GAS7: variants seen among roughly 807,000 people sequenced by gnomAD.
GAS7 encodes growth arrest specific 7, also known as growth arrest-specific protein 7.
GAS7 carries 28 observed loss-of-function variants against 71.1 expected under a neutral mutation model. That is an observed-to-expected ratio of 0.39 (90% CI 0.29 to 0.54). GAS7 has a LOEUF of 0.54. Among genes scored for constraint, GAS7 ranks in the 20% least tolerant of loss-of-function variants. GAS7 has a pLI of 0.62. For synonymous variants in GAS7, 258 were observed against 245.8 expected, an observed-to-expected ratio of 1.05 and a Z score of -0.46; for missense variants, 436 against 627.8, an observed-to-expected ratio of 0.69 and a Z score of 3.27.
intron 5 of GAS7, among the ~76,000 whole-genome samples, chr17:9,948,190 G>A (rs1329270101): frequency 6.6e-6 from 1 of 152,194 alleles, no homozygotes; most frequent in African/African-American, 2.4e-5. Context: ...GGGTGAGGAG[G>A]GGGCACCCCT....
In GAS7 at chr17:9,917,229, T is replaced by A; in HGVS notation, c.1430A>T (p.Ter477LeuextTer52). The A allele has an allele frequency of 2.0e-6, 3 of 1,527,658 alleles. No homozygotes were observed. Among genetic ancestry groups the A allele is most frequent in the African/African-American group, 1.4e-5 (1 of 73,424 alleles). 94.6% of individuals were successfully genotyped at this position (1,527,658 alleles called of 1,614,324 possible). A position where few individuals can be genotyped will look rare whatever the true frequency, so the allele number is the denominator to read the frequency against. The change falls in exon 14 of 14, where the codon TAG becomes TTG. Residue 477 changes from the stop codon to leucine (L), a stop_lost. Transcript: ENST00000432992. ...GNIRPVDMEI* is the reference protein window; with the variant it reads ...GNIRPVDMEIL Reference sequence around the variant, plus strand: ...CCCCCCGAAGCTGCACAGGCCCATCTAGATCTCCATGTCCACAGGGCGGAT... The same window carrying A: ...CCCCCCGAAGCTGCACAGGCCCATCAAGATCTCCATGTCCACAGGGCGGAT...
At chr17:9,934,032 C>T (rs1256133202) in intron 9 of GAS7, 134 bp downstream of exon 9, 7 of 688,512 alleles carry the variant, frequency 1.0e-5, no homozygotes, top group Admixed American at 4.2e-5. Context: ...CTCCGTATTC[C>T]GTGACTTCAT....
intron 5 of GAS7, among the ~76,000 whole-genome samples, chr17:9,955,682 G>A (rs1024099760): frequency 1.3e-5 from 2 of 152,152 alleles, no homozygotes; most frequent in Non-Finnish European, 2.9e-5. Context: ...AAATGTGCCA[G>A]GTCCCCACCA....
chr17:9,969,738 G>T lies in GAS7; in HGVS notation c.410C>A (p.Thr137Asn). The change falls in exon 4 of 14, where the codon ACC becomes AAC. Residue 137 changes from threonine (T) to asparagine (N), a missense_variant. Thr to Asn is a moderately conservative substitution (Grantham distance 65, BLOSUM62 0). Transcript: ENST00000432992. The surrounding 1 kb of genome is among the most constrained non-coding windows in gnomAD (Gnocchi z 5.5). ...GGCAGTCTCTGGAGGGTGCGCTGGG[G>T]TCCCTGATGCGTGGTATCCATTCAC... ...PTVNGYHASGTPAHPPETAHM... is the reference protein window; with the variant it reads ...PTVNGYHASGNPAHPPETAHM... 6.2e-7 allele frequency: 1 copy of T among 1,611,294 alleles called. No homozygotes were observed. The highest frequency in any genetic ancestry group is 1.1e-5 in the South Asian group (1 of 91,012).
At chr17:10,191,390 T>G (rs1228428642) in intron 1 of GAS7, among the ~76,000 whole-genome samples, 1 of 150,158 alleles carries the variant, frequency 6.7e-6, no homozygotes, top group Non-Finnish European at 1.5e-5. Flanking sequence ...AGAAACATGG[T>G]GAAACCCTGT....
chr17:10,039,484 C>A (rs2072820824), intron 1 of GAS7, among the ~76,000 whole-genome samples: 1 of 152,056 alleles, frequency 6.6e-6, no homozygotes, highest in South Asian at 2.1e-4. Flanking sequence ...GAGTTCGAGA[C>A]CAGCCTGGCC....
chr17:9,981,643 C>T lies in GAS7; in HGVS notation c.385+161G>A, dbSNP rs1433065362. On this transcript the variant is annotated intron_variant, in intron 3 of 13. Coordinates refer to ENST00000432992, the MANE Select transcript of GAS7 (RefSeq NM_201433.2). This position sits in a 1 kb window ranked among gnomAD's most constrained non-coding sequence, Gnocchi z 4.4. ...CTGGCACTGCCAGGGAGACACCAAC[C>T]TGCTTGGCAGCAGGCCTAAGGGACC... 6.6e-6 allele frequency among the ~76,000 whole-genome samples: 1 copy of T among 152,158 alleles called. No individual in the cohort carries two copies. Among genetic ancestry groups the T allele is most frequent in the Non-Finnish European group, 1.5e-5 (1 of 68,028 alleles).
intron 3 of GAS7, among the ~76,000 whole-genome samples, chr17:9,972,160 T>G (rs1597583697): frequency 6.6e-6 from 1 of 152,210 alleles, no homozygotes. Context: ...AAATCCACCC[T>G]GCAGGGCCAG....
rs568995941 is a variant in GAS7, at chr17:9,949,276, G to A, written c.526-2293C>T. On this transcript the variant is annotated intron_variant, in intron 5 of 13. Coordinates refer to ENST00000432992, the MANE Select transcript of GAS7 (RefSeq NM_201433.2). Reference sequence around the variant, plus strand: ...GCCAAGTGTCGTCAAGCCCTTCTGAGGAGTCCAGTGCTGACGGATTATGTG... The same window carrying A: ...GCCAAGTGTCGTCAAGCCCTTCTGAAGAGTCCAGTGCTGACGGATTATGTG... 9.2e-5 allele frequency among the ~76,000 whole-genome samples: 14 copies of A among 152,328 alleles called. No individual in the cohort carries two copies. In the East Asian group the frequency reaches 2.7e-3, roughly 29 times the overall value.
intron 8 of GAS7, among the ~76,000 whole-genome samples, chr17:9,937,177 A>C (rs1446152559): frequency 1.3e-5 from 2 of 152,084 alleles, no homozygotes; most frequent in African/African-American, 4.8e-5. Context: ...TAATGTGTAC[A>C]CCTACGAGGC....
chr17:10,169,868 C>A (rs541183349), intron 1 of GAS7, among the ~76,000 whole-genome samples: 3 of 152,186 alleles, frequency 2.0e-5, no homozygotes, highest in Non-Finnish European at 2.9e-5. Flanking sequence ...ATATAGGAAT[C>A]TCAAACTTAA....
chr17:9,983,914 G>A (rs2070536244), intron 2 of GAS7, among the ~76,000 whole-genome samples: 2 of 152,146 alleles, frequency 1.3e-5, no homozygotes, highest in Non-Finnish European at 2.9e-5. Context: ...TGCCTGGGTT[G>A]GAATCCAGCT....
At chr17:10,170,249 C>G (rs768192022) in intron 1 of GAS7, among the ~76,000 whole-genome samples, 5 of 152,002 alleles carry the variant, frequency 3.3e-5, no homozygotes, top group Non-Finnish European at 7.4e-5. Context: ...CTCAATGGCT[C>G]CCCTGACACT....
At chr17:10,087,659 T>A (rs2073534171) in intron 1 of GAS7, among the ~76,000 whole-genome samples, 1 of 152,178 alleles carries the variant, frequency 6.6e-6, no homozygotes, top group Non-Finnish European at 1.5e-5. Flanking sequence ...CTGTTACCAC[T>A]GAACTCTGAA....
intron 1 of GAS7, among the ~76,000 whole-genome samples, chr17:10,159,539 T>C (rs1597826748): frequency 6.6e-6 from 1 of 152,032 alleles, no homozygotes; most frequent in African/African-American, 2.4e-5. Flanking sequence ...AAAAGCCAGA[T>C]GCACCCCCCC....
intron 3 of GAS7, among the ~76,000 whole-genome samples, chr17:9,980,065 A>T (rs1258528707): frequency 3.3e-5 from 5 of 149,624 alleles, no homozygotes; most frequent in African/African-American, 1.3e-4. Context: ...TTATTTTTTT[A>T]AAAATTTAAT....
At chr17:10,035,684 T>C (rs1366116948) in intron 1 of GAS7, among the ~76,000 whole-genome samples, 2 of 152,160 alleles carry the variant, frequency 1.3e-5, no homozygotes, top group Non-Finnish European at 2.9e-5. Context: ...CACCACTCTC[T>C]TGGAGGTCCT....
chr17:10,103,711 G>A lies in GAS7; in HGVS notation c.184-83814C>T, dbSNP rs368631541. On this transcript the variant is annotated intron_variant, in intron 1 of 13. Transcript: ENST00000432992. The surrounding 1 kb of genome is among the most constrained non-coding windows in gnomAD (Gnocchi z 5.5). The stretch of plus-strand genomic sequence containing the variant: ...TGTGGTGGCACATGCCTGTAATCCC[G>A]GCTACTAGGGAGGCTGAGGCAGGAG... Among the ~76,000 whole-genome samples the A allele has an allele frequency of 4.7e-4, 71 of 151,880 alleles. 1 individual carries two copies. Among genetic ancestry groups the A allele is most frequent in the African/African-American group, 8.5e-4 (35 of 41,418 alleles).
At chr17:10,009,190 G>A (rs977344831) in intron 2 of GAS7, among the ~76,000 whole-genome samples, 2 of 150,446 alleles carry the variant, frequency 1.3e-5, no homozygotes, top group East Asian at 1.9e-4. Flanking sequence ...GCGTAGTGGC[G>A]GGCGCCTGTA....
Sources: gnomAD v4.1 joint callset for allele counts (sites outside exome capture counted in the v4.1 genomes callset) on GRCh38, gnomAD v4.1.1 for gene constraint, Gnocchi (gnomAD v3.1) non-coding constraint, MANE v1.5 for transcripts, NCBI Gene and HGNC (gene_info 2026-07-23, HGNC 2026-07-21) for gene names.